Variants in SMIM31 observed in about 807,000 individuals in gnomAD.
SMIM31 encodes small integral membrane protein 31, also known as human epithelial cell program regulator.
At chr4:164,782,172 C>A (rs1282804599) in intron 2 of SMIM31, among the ~76,000 whole-genome samples, 1 of 151,722 alleles carries the variant, frequency 6.6e-6, no homozygotes, top group African/African-American at 2.4e-5. Flanking sequence ...TGCCTGTAAT[C>A]CCAGCTGCTG....
intron 2 of SMIM31, among the ~76,000 whole-genome samples, chr4:164,788,472 A>ATTCTTCTTTTTTT (rs1733055394): frequency 1.7e-5 from 1 of 60,506 alleles, no homozygotes; most frequent in Non-Finnish European, 3.6e-5. Flanking sequence ...CTTTCTTCTA[A>ATTCTTCTTTTTTT]TTTTTCTTTT....
intron 2 of SMIM31, among the ~76,000 whole-genome samples, chr4:164,798,124 A>G (rs974628820): frequency 2.0e-5 from 3 of 152,136 alleles, no homozygotes; most frequent in Non-Finnish European, 4.4e-5. Context: ...TTCTTTATCC[A>G]ATTATCCATT....
chr4:164,786,391 A>C (rs1733026212), intron 2 of SMIM31, among the ~76,000 whole-genome samples: 2 of 152,300 alleles, frequency 1.3e-5, no homozygotes, highest in African/African-American at 4.8e-5. Flanking sequence ...CATCAAAGAC[A>C]TCTTTCCAGA....
intron 2 of SMIM31, among the ~76,000 whole-genome samples, chr4:164,777,494 C>A (rs370971457): frequency 6.6e-6 from 1 of 152,170 alleles, no homozygotes; most frequent in African/African-American, 2.4e-5. Flanking sequence ...CATAGTGACG[C>A]GGCAGTAGCT....
rs894844673 is a variant in SMIM31 at position 164,774,733 on chromosome 4, CAT to C, written c.112+4180_112+4181del. On this transcript the variant is annotated intron_variant, in intron 2 of 2. Coordinates refer to ENST00000507311, the MANE Select transcript of SMIM31 (RefSeq NM_001352885.1). ...AAACTGCATTTTATTAAATGAGTAACATAATTTTATTTTCATTATTTTTAGTT... is the reference window on the plus strand; with the variant it reads ...AAACTGCATTTTATTAAATGAGTAACAATTTTATTTTCATTATTTTTAGTT... Among the ~76,000 whole-genome samples, 30 of 152,236 alleles carry C rather than the reference CAT, an allele frequency of 2.0e-4. 1 individual carries two copies. The Middle Eastern group carries it at 0.024, about 121-fold the overall frequency.
intron 2 of SMIM31, among the ~76,000 whole-genome samples, chr4:164,771,961 G>C (rs1732808576): frequency 6.6e-6 from 1 of 152,174 alleles, no homozygotes. Context: ...TTAGTACACT[G>C]TTTACTGACT....
intron 1 of SMIM31, among the ~76,000 whole-genome samples, chr4:164,760,817 A>C (rs1732637295): frequency 1.3e-5 from 2 of 151,774 alleles, no homozygotes; most frequent in Middle Eastern, 3.4e-3. Flanking sequence ...AAAGAAAGAT[A>C]GGAGTCAAGG....
At chr4:164,781,127 CAT>C (rs1732943738) in intron 2 of SMIM31, among the ~76,000 whole-genome samples, 1 of 139,938 alleles carries the variant, frequency 7.1e-6, no homozygotes, top group African/African-American at 3.0e-5. Context: ...ACTACATTTA[CAT>C]ACACACACAC....
chr4:164,800,199 T>G (rs1648964595), intron 2 of SMIM31, among the ~76,000 whole-genome samples: 1 of 152,026 alleles, frequency 6.6e-6, no homozygotes, highest in Non-Finnish European at 1.5e-5. Flanking sequence ...TTAAAGGGTG[T>G]TTAACTTATG....
chr4:164,779,476 T>A (rs934174568), intron 2 of SMIM31, among the ~76,000 whole-genome samples: 3 of 152,240 alleles, frequency 2.0e-5, no homozygotes, highest in Admixed American at 1.3e-4. Context: ...CTGTAGACTT[T>A]CTATTATTTC....
chr4:164,764,380 A>G (rs1732692070), intron 1 of SMIM31, among the ~76,000 whole-genome samples: 1 of 152,056 alleles, frequency 6.6e-6, no homozygotes, highest in Non-Finnish European at 1.5e-5. Flanking sequence ...CATCCTGGCC[A>G]ACATGGTGAA....
At chr4:164,765,360 C>A (rs1732706201) in intron 1 of SMIM31, among the ~76,000 whole-genome samples, 1 of 152,182 alleles carries the variant, frequency 6.6e-6, no homozygotes, top group Non-Finnish European at 1.5e-5. Context: ...AAACAGTTTT[C>A]TGCCTGTATG....
At chr4:164,758,114 TTTG>T (rs912583738) in intron 1 of SMIM31, among the ~76,000 whole-genome samples, 3 of 152,106 alleles carry the variant, frequency 2.0e-5, no homozygotes, top group African/African-American at 2.4e-5. Flanking sequence ...CTTCTCTATT[TTTG>T]TTAATTTATT....
chr4:164,783,091 G>T (rs919016590), intron 2 of SMIM31, among the ~76,000 whole-genome samples: 2 of 151,390 alleles, frequency 1.3e-5, no homozygotes, highest in Non-Finnish European at 2.9e-5. Context: ...GTTGGCACAC[G>T]CTTGTAGTCC....
intron 2 of SMIM31, among the ~76,000 whole-genome samples, chr4:164,793,685 T>C (rs1733136544): frequency 1.3e-5 from 2 of 152,166 alleles, no homozygotes; most frequent in South Asian, 4.1e-4. Flanking sequence ...ATACTAATTC[T>C]ATTAGACCTG....
intron 2 of SMIM31, among the ~76,000 whole-genome samples, chr4:164,784,038 A>G (rs945656262): frequency 2.0e-5 from 3 of 152,188 alleles, no homozygotes; most frequent in Admixed American, 6.5e-5. Context: ...AGCATAATAA[A>G]TTCCCCTGCT....
intron 1 of SMIM31, among the ~76,000 whole-genome samples, chr4:164,756,754 T>G (rs115176095): frequency 6.6e-6 from 1 of 152,160 alleles, no homozygotes; most frequent in Non-Finnish European, 1.5e-5. Context: ...TTGTCTTGTA[T>G]GTATCACAAA....
chr4:164,762,869 G>A (rs1025541136), intron 1 of SMIM31, among the ~76,000 whole-genome samples: 7 of 152,050 alleles, frequency 4.6e-5, no homozygotes, highest in African/African-American at 1.2e-4. Context: ...AGAATGAAAC[G>A]CTTTGAAGAA....
rs72177805 is a variant in SMIM31, at chr4:164,788,478, C to CTTTT, written c.113-12588_113-12585dup. On this transcript the variant is annotated intron_variant, in intron 2 of 2. Transcript: ENST00000507311. ...ATAAAATTTCTTTCTTCTAATTTTTCTTTTTTTTTTTTTTTTTTTTTTTTT... is the reference window on the plus strand; with the variant it reads ...ATAAAATTTCTTTCTTCTAATTTTTCTTTTTTTTTTTTTTTTTTTTTTTTTTTTT... Among the ~76,000 whole-genome samples the CTTTT allele has an allele frequency of 2.9e-3, 168 of 58,182 alleles. 27 individuals carry two copies. The highest frequency in any genetic ancestry group is 0.011 in the African/African-American group (148 of 13,852). The allele number at this position is 58,182 out of a possible 152,430, so 38.2% of individuals were successfully genotyped here. A position where few individuals can be genotyped will look rare whatever the true frequency, so the allele number is the denominator to read the frequency against.
Sources: gnomAD v4.1 joint callset for allele counts (sites outside exome capture counted in the v4.1 genomes callset) on GRCh38, gnomAD v4.1.1 for gene constraint, MANE v1.5 for transcripts, NCBI Gene and HGNC (gene_info 2026-07-23, HGNC 2026-07-21) for gene names.